PSME4: variants seen among roughly 807,000 people sequenced by gnomAD.
PSME4 encodes proteasome activator subunit 4.
A neutral mutation model predicts 253.9 loss-of-function variants in PSME4; 89 were observed. The ratio of observed to expected loss-of-function variants is 0.35; its 90% CI spans 0.30 to 0.42. PSME4 has a LOEUF of 0.42. Ranked by LOEUF, PSME4 falls within the 10% of genes least tolerant of loss-of-function variation. The probability of loss-of-function intolerance (pLI) is 1.00; values close to 1 mark genes in which losing one functional copy is unlikely to be tolerated. For synonymous variants in PSME4, 851 were observed against 759.2 expected (o/e 1.12, Z -1.99); for missense variants, 2,014 against 2,195.2 (o/e 0.92, Z 1.65).
At chr2:53,875,873 A>C in intron 41 of PSME4, 118 bp from the exon 42 acceptor site, 2 of 917,150 alleles carry the variant, frequency 2.2e-6, no homozygotes, top group Non-Finnish European at 3.2e-6. Flanking sequence ...AATTTCAAAC[A>C]CATAAACTAG....
chr2:53,959,016 T>C (rs1417145773), intron 1 of PSME4, among the ~76,000 whole-genome samples: 1 of 152,166 alleles, frequency 6.6e-6, no homozygotes, highest in African/African-American at 2.4e-5. Context: ...ATAAGGACTT[T>C]TTAAAATGCC....
In PSME4 at chr2:53,901,449, G is replaced by A. The variant is rs780800909; in HGVS notation, c.3186C>T (p.Ser1062=). 5.0e-6 allele frequency: 8 copies of A among 1,613,972 alleles called. No homozygotes were observed. In the East Asian group the frequency reaches 1.8e-4, roughly 36 times the overall value. The change falls in exon 28 of 47, where the codon AGC becomes AGT. Residue 1062 remains serine, a synonymous_variant. Coordinates refer to ENST00000404125, the MANE Select transcript of PSME4 (RefSeq NM_014614.3). The part of the protein sequence containing the change: ...TWPAIVSSGL[S]QAMSLEKPSI... Reference sequence around the variant, plus strand: ...ATGGCTTTTCCAGGGACATTGCTTGGCTAAGCCCTGAAGAAACAATCGCTG... The same window carrying A: ...ATGGCTTTTCCAGGGACATTGCTTGACTAAGCCCTGAAGAAACAATCGCTG...
chr2:53,917,014 A>AT (rs1454227016), intron 20 of PSME4, among the ~76,000 whole-genome samples: 1 of 151,434 alleles, frequency 6.6e-6, no homozygotes, highest in African/African-American at 2.4e-5. Flanking sequence ...TTATTCAATT[A>AT]TTTTTAAAAA....
chr2:53,865,967 C>T (rs773110969), intron 46 of PSME4, 118 bp downstream of exon 46: 9 of 1,092,878 alleles, frequency 8.2e-6, no homozygotes, highest in Admixed American at 3.1e-5. Context: ...AAACAATCCC[C>T]GCCATCCAAC....
intron 3 of PSME4, among the ~76,000 whole-genome samples, chr2:53,945,340 A>C (rs1435992492): frequency 2.6e-5 from 4 of 152,220 alleles, no homozygotes; most frequent in African/African-American, 9.6e-5. Context: ...TATCGCTAAC[A>C]ATTAGTTCAC....
intron 27 of PSME4, among the ~76,000 whole-genome samples, chr2:53,903,349 A>G (rs895391942): frequency 6.6e-6 from 1 of 152,002 alleles, no homozygotes; most frequent in African/African-American, 2.4e-5. Flanking sequence ...TAACTTTGAC[A>G]TTTCCTTTTT....
intron 41 of PSME4, among the ~76,000 whole-genome samples, chr2:53,883,491 TG>T (rs1020841478): frequency 2.0e-5 from 3 of 152,000 alleles, no homozygotes; most frequent in African/African-American, 7.2e-5. Context: ...AAAAAAGCGG[TG>T]GGGGGGTGCG....
chr2:53,910,651 A>C (rs1015434799), intron 20 of PSME4, among the ~76,000 whole-genome samples: 17 of 152,208 alleles, frequency 1.1e-4, no homozygotes, highest in Non-Finnish European at 2.9e-5. Flanking sequence ...ATGATACCAC[A>C]ACCAGAGGCT....
At chr2:53,920,122 G>C in intron 19 of PSME4, 71 bp downstream of exon 19, 1 of 1,317,122 alleles carries the variant, frequency 7.6e-7, no homozygotes. Context: ...CATGAGATAT[G>C]CCACAGATAA....
rs567441651 is a variant in PSME4 at position 53,942,682 on chromosome 2, A to G, written c.501-2682T>C. Among the ~76,000 whole-genome samples the G allele has an allele frequency of 1.8e-4, 27 of 152,290 alleles. No homozygotes were observed. In the South Asian group the frequency reaches 5.4e-3, roughly 30 times the overall value. The stretch of plus-strand genomic sequence containing the variant: ...TACGGCCCAGAATTAAGGATAATAA[A>G]TGTTAATTATTATTTCATACTTAGC... On this transcript the variant is annotated intron_variant, in intron 3 of 46. Coordinates refer to ENST00000404125, the MANE Select transcript of PSME4 (RefSeq NM_014614.3).
intron 10 of PSME4, among the ~76,000 whole-genome samples, chr2:53,931,528 T>C (rs1668829339): frequency 6.6e-6 from 1 of 152,224 alleles, no homozygotes; most frequent in Non-Finnish European, 1.5e-5. Context: ...TTCTCAATCC[T>C]TAGTGACACT....
intron 14 of PSME4, among the ~76,000 whole-genome samples, chr2:53,924,509 A>G (rs1668468572): frequency 6.6e-6 from 1 of 152,244 alleles, no homozygotes; most frequent in Non-Finnish European, 1.5e-5. Flanking sequence ...ACTACTTCTA[A>G]TCCATCAGTT....
intron 1 of PSME4, among the ~76,000 whole-genome samples, chr2:53,970,097 G>C (rs912212186): frequency 6.6e-6 from 1 of 152,158 alleles, no homozygotes; most frequent in Non-Finnish European, 1.5e-5. Flanking sequence ...GAAGAGGCGG[G>C]GATCGTAGGG....
chr2:53,939,682 A>G (rs1215291988), intron 4 of PSME4, among the ~76,000 whole-genome samples: 1 of 152,206 alleles, frequency 6.6e-6, no homozygotes, highest in East Asian at 1.9e-4. Context: ...CTGAATAACA[A>G]ATAACAATAC....
intron 37 of PSME4, 67 bp downstream of exon 37, chr2:53,890,037 C>G (rs1020888096): frequency 2.4e-5 from 30 of 1,225,970 alleles, no homozygotes; most frequent in Non-Finnish European, 3.3e-5. Flanking sequence ...ATTTCACACA[C>G]TTTGAGAGAC....
chr2:53,895,142 A>C (rs779603129), intron 33 of PSME4, 66 bp from the exon 34 acceptor site: 351 of 1,414,174 alleles, frequency 2.5e-4, no homozygotes, highest in Non-Finnish European at 3.2e-4. Flanking sequence ...ATGGATAGAA[A>C]GCATTAGAAG....
At position 53,920,341 on chromosome 2, in the gene PSME4, T is replaced by C; in HGVS notation, c.2272A>G (p.Lys758Glu). 1 of 1,612,016 alleles carries C rather than the reference T, an allele frequency of 6.2e-7. No individual in the cohort carries two copies. The change falls in exon 19 of 47, where the codon AAA (lysine) becomes GAA (glutamate). Residue 758 changes from lysine (K) to glutamate (E), a missense_variant. Coordinates refer to ENST00000404125, the MANE Select transcript of PSME4 (RefSeq NM_014614.3). ...CCCAGATTCCACAAGTCCCCGGGTT[T>C]GCCCCAGTCCTAGAAGAGAACAGCA... Reference protein sequence around the residue: ...SEYFPIKDWGKPGDLWNLGIQ... With the variant: ...SEYFPIKDWGEPGDLWNLGIQ...
At chr2:53,888,555 C>T (rs1679745176) in intron 38 of PSME4, among the ~76,000 whole-genome samples, 166 bp downstream of exon 38, 2 of 152,186 alleles carry the variant, frequency 1.3e-5, no homozygotes. Flanking sequence ...TAATAAATAA[C>T]TCTTATTAAG....
intron 44 of PSME4, among the ~76,000 whole-genome samples, chr2:53,868,022 TATTAC>T (rs1185268742): frequency 2.0e-5 from 3 of 152,278 alleles, no homozygotes; most frequent in Admixed American, 2.0e-4. Context: ...TTTTAAAGCA[TATTAC>T]ATTTGTATTT....
Sources: allele counts gnomAD v4.1 joint callset (sites outside exome capture counted in the v4.1 genomes callset), GRCh38; gene constraint gnomAD v4.1.1; transcripts MANE v1.5; gene names NCBI Gene and HGNC (gene_info 2026-07-23, HGNC 2026-07-21).